Variants in ACBD3 observed in about 807,000 individuals in gnomAD.
ACBD3 encodes Golgi resident protein GCP60.
ACBD3 carries 30 observed loss-of-function variants against 66.9 expected under a neutral mutation model. The ratio of observed to expected loss-of-function variants is 0.45; its 90% confidence interval spans 0.34 to 0.61. The LOEUF is 0.61. ACBD3 is among the 20% of genes least tolerant of loss of function. ACBD3 has a pLI of 0.02. For missense variants in ACBD3, 544 were observed against 664.5 expected (o/e 0.82, Z 1.99); for synonymous variants, 278 against 259.8 (o/e 1.07, Z -0.68).
intron 1 of ACBD3, among the ~76,000 whole-genome samples, chr1:226,174,920 C>T (rs1655995494): frequency 6.6e-6 from 1 of 151,480 alleles, no homozygotes; most frequent in Non-Finnish European, 1.5e-5. Flanking sequence ...TGGTGAAACC[C>T]CATCTCTACT....
chr1:226,175,108 A>AG (rs1426770169), intron 1 of ACBD3, among the ~76,000 whole-genome samples: 1 of 151,284 alleles, frequency 6.6e-6, no homozygotes, highest in African/African-American at 2.4e-5. Flanking sequence ...AAAAAAAAAA[A>AG]AAAGAAAGAA....
chr1:226,166,193 T>C (rs886910331), intron 1 of ACBD3, among the ~76,000 whole-genome samples, 193 bp from the exon 2 acceptor site: 1 of 152,198 alleles, frequency 6.6e-6, no homozygotes, highest in Non-Finnish European at 1.5e-5. Context: ...TCTCACTCTG[T>C]TGCCCAGGCT....
At chr1:226,175,630 C>T (rs1367006487) in intron 1 of ACBD3, among the ~76,000 whole-genome samples, 3 of 151,214 alleles carry the variant, frequency 2.0e-5, no homozygotes, top group Non-Finnish European at 4.4e-5. Flanking sequence ...AAGAGAGATA[C>T]AGACATACAT....
chr1:226,164,116 TAAAAAAAAA>T (rs1165905762), intron 3 of ACBD3, among the ~76,000 whole-genome samples: 4,146 of 51,740 alleles, frequency 0.08, 102 homozygotes, highest in South Asian at 0.15. Flanking sequence ...GACTCCATCT[TAAAAAAAAA>T]AAAAAAAAAA....
rs1422007893 is a variant in ACBD3 at position 226,164,777 on chromosome 1, C to T, written c.569+12G>A. On this transcript the variant is annotated intron_variant, in intron 3 of 7. Coordinates refer to ENST00000366812, the MANE Select transcript of ACBD3 (RefSeq NM_022735.4). Reference sequence around the variant, plus strand: ...GCGCAGCAATAAAGTATTCCATGCCCTCAAACTTCACCTTTTTTTTTCTTG... The same window carrying T: ...GCGCAGCAATAAAGTATTCCATGCCTTCAAACTTCACCTTTTTTTTTCTTG... 2 of 1,606,676 alleles carry T rather than the reference C, an allele frequency of 1.2e-6. No individual in the cohort carries two copies. Among genetic ancestry groups the T allele is most frequent in the Non-Finnish European group, 1.7e-6 (2 of 1,176,724 alleles).
intron 1 of ACBD3, among the ~76,000 whole-genome samples, chr1:226,173,706 GT>G (rs1382629558): frequency 2.1e-5 from 3 of 145,796 alleles, no homozygotes; most frequent in African/African-American, 7.6e-5. Flanking sequence ...CATCACAAGA[GT>G]TTAGTATTTT....
intron 2 of ACBD3, 23 bp downstream of exon 2, chr1:226,165,836 A>C (rs1158151914): frequency 1.3e-6 from 2 of 1,594,964 alleles, no homozygotes; most frequent in African/African-American, 2.7e-5. Context: ...CATTAAATTC[A>C]CTATACAGAA....
At chr1:226,154,407 A>G (rs1417204134) in intron 6 of ACBD3, among the ~76,000 whole-genome samples, 1 of 152,050 alleles carries the variant, frequency 6.6e-6, no homozygotes, top group African/African-American at 2.4e-5. Flanking sequence ...TAATTTATAT[A>G]TATATATATG....
intron 3 of ACBD3, among the ~76,000 whole-genome samples, chr1:226,162,203 T>C (rs1659785891): frequency 6.6e-6 from 1 of 150,718 alleles, no homozygotes; most frequent in Non-Finnish European, 1.5e-5. Flanking sequence ...CCCTGAAATA[T>C]CGCAGAGCCA....
At chr1:226,178,615 A>G (rs777130017) in intron 1 of ACBD3, among the ~76,000 whole-genome samples, 3 of 150,280 alleles carry the variant, frequency 2.0e-5, no homozygotes, top group Non-Finnish European at 4.4e-5. Flanking sequence ...TCACACCTCA[A>G]TTGCTATTTT....
At position 226,165,916 on chromosome 1, in the gene ACBD3, T is replaced by C; in HGVS notation, c.371A>G (p.Tyr124Cys). 1 of 1,613,786 alleles carries C rather than the reference T, an allele frequency of 6.2e-7. No individual in the cohort carries two copies. Among genetic ancestry groups the C allele is most frequent in the South Asian group, 1.1e-5 (1 of 90,966 alleles). ...AACCTCAGGACAAGTGTCTGGATTA[T>C]ATGGGCCCATAAGAACTTGCTTATG... ...ALHKQVLMGP[Y>C]NPDTCPEVGF... The change falls in exon 2 of 8, where the codon TAT (tyrosine) becomes TGT (cysteine). Residue 124 changes from tyrosine (Y) to cysteine (C), a missense_variant. Around this residue, in one of 3 missense-constraint regions of ACBD3, gnomAD observed 24 missense variants for 56.2 expected, o/e 0.43. Transcript: ENST00000366812.
chr1:226,152,193 C>T, intron 7 of ACBD3, 142 bp downstream of exon 7: 1 of 1,177,014 alleles, frequency 8.5e-7, no homozygotes, highest in Non-Finnish European at 1.2e-6. Flanking sequence ...ACATTTTCAG[C>T]CCAAGGTCCC....
chr1:226,166,635 G>A (rs1659883631), intron 1 of ACBD3, among the ~76,000 whole-genome samples: 1 of 151,470 alleles, frequency 6.6e-6, no homozygotes, highest in South Asian at 2.1e-4. Flanking sequence ...ACAGGAGTAT[G>A]CGCCATCATA....
In ACBD3 at chr1:226,149,939, T is replaced by C. The variant is rs575556721; in HGVS notation, c.1375+2396A>G. Among the ~76,000 whole-genome samples the C allele has an allele frequency of 5.7e-4, 86 of 152,106 alleles. 1 individual carries two copies. Among genetic ancestry groups the C allele is most frequent in the Non-Finnish European group, 9.4e-4 (64 of 68,024 alleles). ...GTCTGACTTTAATGAGTCCCTGTGA[T>C]GCAACAGAAAGGACAGAACAGGTTC... On this transcript the variant is annotated intron_variant, in intron 7 of 7. Coordinates refer to ENST00000366812, the MANE Select transcript of ACBD3 (RefSeq NM_022735.4).
chr1:226,178,035 C>G (rs1004536482), intron 1 of ACBD3, among the ~76,000 whole-genome samples: 1 of 152,032 alleles, frequency 6.6e-6, no homozygotes, highest in Admixed American at 6.6e-5. Flanking sequence ...ACGTGAGCCA[C>G]TACACCCAGC....
intron 1 of ACBD3, among the ~76,000 whole-genome samples, chr1:226,169,386 T>C (rs1659943883): frequency 6.6e-6 from 1 of 151,968 alleles, no homozygotes; most frequent in Non-Finnish European, 1.5e-5. Flanking sequence ...TAGCTGGGAC[T>C]ACAAGCGCCC....
chr1:226,158,262 T>C (rs1659710800), intron 5 of ACBD3, among the ~76,000 whole-genome samples: 1 of 152,242 alleles, frequency 6.6e-6, no homozygotes, highest in African/African-American at 2.4e-5. Context: ...GCAACTATAA[T>C]GTAACACTTT....
At chr1:226,152,152 C>A (rs1659587854) in intron 7 of ACBD3, among the ~76,000 whole-genome samples, 183 bp downstream of exon 7, 1 of 152,146 alleles carries the variant, frequency 6.6e-6, no homozygotes, top group Non-Finnish European at 1.5e-5. Context: ...CAGGTTTAGG[C>A]CCCAGTCCCC....
chr1:226,164,730 A>G, intron 3 of ACBD3, 59 bp downstream of exon 3: 1 of 1,497,366 alleles, frequency 6.7e-7, no homozygotes, highest in Non-Finnish European at 8.9e-7. Flanking sequence ...TCTACAAAAC[A>G]AAAGCATCAG....
Sources: gnomAD v4.1 joint callset for allele counts (sites outside exome capture counted in the v4.1 genomes callset) on GRCh38, gnomAD v4.1.1 for gene constraint, gnomAD v4.1.1 regional missense constraint, MANE v1.5 for transcripts, NCBI Gene and HGNC (gene_info 2026-07-23, HGNC 2026-07-21) for gene names.